MYO18B: variants seen among roughly 807,000 people sequenced by gnomAD.
MYO18B encodes unconventional myosin-XVIIIb.
MYO18B carries 204 observed loss-of-function variants against 273.0 expected under a neutral mutation model. That is an observed-to-expected ratio of 0.75 (90% CI 0.67 to 0.84). The LOEUF is 0.84. Ranked by LOEUF, MYO18B falls within the 40% of genes least tolerant of loss-of-function variation. The pLI, the probability that MYO18B is intolerant of heterozygous loss-of-function variation, is 0.00. For missense variants in MYO18B, 3,212 were observed against 3,287.6 expected, an observed-to-expected ratio of 0.98 and a Z score of 0.56; for synonymous variants, 1,330 against 1,305.7, an observed-to-expected ratio of 1.02 and a Z score of -0.40.
At chr22:25,862,128 G>C (rs1314928446) in intron 21 of MYO18B, among the ~76,000 whole-genome samples, 1 of 152,056 alleles carries the variant, frequency 6.6e-6, no homozygotes, top group Non-Finnish European at 1.5e-5. Flanking sequence ...AAGTAATCTA[G>C]AGATAAAGTA....
In MYO18B at chr22:25,777,571, A is replaced by G; in HGVS notation, c.1870-12A>G. The G allele has an allele frequency of 1.9e-6, 3 of 1,572,970 alleles. No homozygotes were observed. Among genetic ancestry groups the G allele is most frequent in the Non-Finnish European group, 2.6e-6 (3 of 1,160,508 alleles). On this transcript the variant is annotated splice_polypyrimidine_tract_variant and intron_variant, in intron 7 of 43. Transcript: ENST00000335473. The stretch of plus-strand genomic sequence containing the variant: ...CTGGATGGGATGGCTGATACCTGTG[A>G]TCTTCCTGCAGGTGCCCAAGGGCCG...
At chr22:26,012,130 G>A (rs551338808) in intron 42 of MYO18B, among the ~76,000 whole-genome samples, 5 of 152,238 alleles carry the variant, frequency 3.3e-5, no homozygotes, top group South Asian at 2.1e-4. Flanking sequence ...AAACAGTTGC[G>A]TTACTTTCAA....
At chr22:25,754,879 A>G (rs545348999) in intron 1 of MYO18B, among the ~76,000 whole-genome samples, 1 of 152,316 alleles carries the variant, frequency 6.6e-6, no homozygotes, top group Admixed American at 6.5e-5. Flanking sequence ...TGGCAGCCTC[A>G]GGGCTAAGGA....
At chr22:25,790,757 C>T (rs1362795299) in intron 11 of MYO18B, among the ~76,000 whole-genome samples, 1 of 152,226 alleles carries the variant, frequency 6.6e-6, no homozygotes, top group Admixed American at 6.5e-5. Context: ...TCCCCAGTAT[C>T]ATTTCACTAG....
intron 12 of MYO18B, among the ~76,000 whole-genome samples, chr22:25,802,963 TTTC>T (rs201446257): frequency 0.021 from 2,833 of 136,024 alleles, 57 homozygotes; most frequent in East Asian, 0.1. Context: ...TTCTTTTTTC[TTTC>T]TTTTTTTTTT....
intron 21 of MYO18B, among the ~76,000 whole-genome samples, chr22:25,855,121 C>T (rs1245406565): frequency 6.6e-6 from 1 of 152,052 alleles, no homozygotes; most frequent in Non-Finnish European, 1.5e-5. Context: ...CTCCAACAGG[C>T]TCCAGTGTGT....
In MYO18B at chr22:25,828,933, C is replaced by G; in HGVS notation, c.2944C>G (p.Arg982Gly). Residue 982 changes from arginine (R) to glycine (G), a missense_variant, in exon 15 of 44, where the codon CGG (arginine) becomes GGG (glycine). Arg to Gly is a moderately radical substitution (Grantham distance 125). Transcript: ENST00000335473. ...GCGCCTGCAGCTGCTGTTCTACCAG[C>G]GGACCTTTGTCTCCACGCTACAGCG... ...HERLQLLFYQ[R>G]TFVSTLQRYQ... 6.2e-7 allele frequency: 1 copy of G among 1,613,952 alleles called. No individual in the cohort carries two copies. The highest frequency in any genetic ancestry group is 8.5e-7 in the Non-Finnish European group (1 of 1,179,890).
chr22:25,818,551 C>A (rs1200338976), intron 12 of MYO18B, among the ~76,000 whole-genome samples: 3 of 152,220 alleles, frequency 2.0e-5, no homozygotes, highest in Non-Finnish European at 4.4e-5. Flanking sequence ...ATGCTCAACA[C>A]TCGATGGCTT....
intron 39 of MYO18B, among the ~76,000 whole-genome samples, chr22:25,977,773 TA>T (rs1343175108): frequency 6.6e-6 from 1 of 152,222 alleles, no homozygotes; most frequent in Admixed American, 6.5e-5. Flanking sequence ...GCACTTGTTA[TA>T]GTCTATGCAA....
At chr22:25,833,982 T>A (rs1429082164) in intron 16 of MYO18B, among the ~76,000 whole-genome samples, 2 of 152,138 alleles carry the variant, frequency 1.3e-5, no homozygotes. Flanking sequence ...AGTGTGTTCT[T>A]CTGGTTGGCA....
chr22:25,891,446 G>T, intron 27 of MYO18B, 34 bp downstream of exon 27: 1 of 1,373,254 alleles, frequency 7.3e-7, no homozygotes, highest in South Asian at 1.2e-5. Context: ...GCTGGAAGGT[G>T]ATGGACAAAG....
At chr22:25,779,341 A>G (rs1247536364) in intron 8 of MYO18B, among the ~76,000 whole-genome samples, 1 of 152,214 alleles carries the variant, frequency 6.6e-6, no homozygotes, top group Non-Finnish European at 1.5e-5. Flanking sequence ...TTAATTAGTT[A>G]ATTATTAATG....
intron 39 of MYO18B, among the ~76,000 whole-genome samples, chr22:25,990,935 C>G (rs1276042070): frequency 7.2e-5 from 11 of 152,062 alleles, no homozygotes; most frequent in African/African-American, 2.7e-4. Flanking sequence ...CAAGAAAAAT[C>G]CCATCTATAA....
rs767759483 is a variant in MYO18B at position 25,768,303 on chromosome 22, G to A, written c.387G>A (p.Gln129=). 1 of 1,613,928 alleles carries A rather than the reference G, an allele frequency of 6.2e-7. No homozygotes were observed. Among genetic ancestry groups the A allele is most frequent in the Admixed American group, 1.7e-5 (1 of 60,014 alleles). ...QMTSINGEKA[Q]ELGSSATPTK... ...CAAGCATCAATGGTGAGAAGGCCCA[G>A]GAGCTGGGCTCCAGTGCGACACCAA... is the stretch of plus-strand genomic sequence containing the variant. Residue 129 remains glutamine (Q), a synonymous_variant, in exon 4 of 44, where the codon CAG becomes CAA. Transcript: ENST00000335473.
chr22:25,875,760 T>C (rs1433661777), intron 23 of MYO18B, among the ~76,000 whole-genome samples: 1 of 152,224 alleles, frequency 6.6e-6, no homozygotes, highest in Non-Finnish European at 1.5e-5. Context: ...ATGATCTCCC[T>C]TCAATATAAG....
chr22:25,766,670 A>G (rs1440873798), intron 3 of MYO18B, among the ~76,000 whole-genome samples: 1 of 152,218 alleles, frequency 6.6e-6, no homozygotes, highest in Non-Finnish European at 1.5e-5. Context: ...CATGGGCAAC[A>G]GCCTGGAAGC....
At chr22:25,970,789 T>C (rs2146732938) in intron 39 of MYO18B, among the ~76,000 whole-genome samples, 1 of 151,674 alleles carries the variant, frequency 6.6e-6, no homozygotes. Context: ...GGCAGTGGTT[T>C]GGAGACAAAG....
intron 42 of MYO18B, among the ~76,000 whole-genome samples, chr22:26,013,473 C>T (rs960174630): frequency 6.6e-6 from 1 of 151,984 alleles, no homozygotes; most frequent in African/African-American, 2.4e-5. Flanking sequence ...TATGGTTTCC[C>T]ATGATTATGA....
Position 25,781,820 on chromosome 22 carries a change from G to A in MYO18B, c.2298G>A (p.Leu766=). 1 of 1,584,904 alleles carries A rather than the reference G, an allele frequency of 6.3e-7. No individual in the cohort carries two copies. The highest frequency in any genetic ancestry group is 1.2e-5 in the South Asian group (1 of 85,400). The change falls in exon 10 of 44, where the codon TTG becomes TTA. Residue 766 remains leucine (L), a synonymous_variant. Coordinates refer to ENST00000335473, the MANE Select transcript of MYO18B (RefSeq NM_032608.7). ...TTTTCTCCCAGATGCTGGCTGGATT[G>A]GACTTGGATCTCAGGTGAGCACTTG... ...FLVFSQMLAG[L]DLDLRTELNL...
Sources: gnomAD v4.1 joint callset for allele counts (sites outside exome capture counted in the v4.1 genomes callset) on GRCh38, gnomAD v4.1.1 for gene constraint, MANE v1.5 for transcripts, NCBI Gene and HGNC (gene_info 2026-07-23, HGNC 2026-07-21) for gene names.